The following DGKQ variants were observed in gnomAD, a reference collection of about 807,000 sequenced individuals.
DGKQ encodes diacylglycerol kinase theta, also known as DAG kinase theta.
A neutral mutation model predicts 104.2 loss-of-function variants in DGKQ; 97 were observed. The ratio of observed to expected loss-of-function variants is 0.93; its 90% confidence interval spans 0.79 to 1.10. The LOEUF (loss-of-function observed/expected upper bound fraction) is 1.10, where lower values mean the gene tolerates loss of function less well. DGKQ is among the 50% of genes least tolerant of loss of function. The pLI is 0.00. For missense variants in DGKQ, 1,465 were observed against 1,352.1 expected (o/e 1.08, Z -1.31); for synonymous variants, 736 against 595.2 (o/e 1.24, Z -3.44).
In DGKQ at chr4:967,581, C is replaced by A; in HGVS notation, c.955G>T (p.Val319Leu). The part of the protein sequence containing the change: ...VRRSQFRLVT[V>L]SRLAGAEEVL... ...TCCTCGGCACCGGCCAGGCGGGACA[C>A]CGTGACGAGGCGGAACTGGCTTCTT... Residue 319 changes from valine to leucine, a missense_variant, in exon 8 of 23, where the codon GTG (valine) becomes TTG (leucine). Val to Leu is a conservative substitution (Grantham distance 32). Coordinates refer to ENST00000273814, the MANE Select transcript of DGKQ (RefSeq NM_001347.4). 6.2e-7 allele frequency: 1 copy of A among 1,612,662 alleles called. No homozygotes were observed. Among genetic ancestry groups the A allele is most frequent in the Non-Finnish European group, 8.5e-7 (1 of 1,179,842 alleles).
intron 15 of DGKQ, 122 bp from the exon 16 acceptor site, chr4:963,412 C>T: frequency 1.1e-6 from 1 of 877,954 alleles, no homozygotes; most frequent in South Asian, 1.8e-5. Context: ...GCCCCCTCCC[C>T]AGGAAGGCGT....
At position 959,535 on chromosome 4, in the gene DGKQ, T is replaced by G. The variant is rs1019735315; in HGVS notation, c.*1085A>C. On this transcript the variant is annotated 3_prime_UTR_variant, in exon 23 of 23. Transcript: ENST00000273814. ...CCAGCCTGGCCCAGATGCAGGACCCTCCACCAAGCTGTCTGGGGGCGTGGG... is the reference window on the plus strand; with the variant it reads ...CCAGCCTGGCCCAGATGCAGGACCCGCCACCAAGCTGTCTGGGGGCGTGGG... 3 of 152,322 alleles carry G rather than the reference T, an allele frequency of 2.0e-5. No individual in the cohort carries two copies. The highest frequency in any genetic ancestry group is 6.5e-5 in the Admixed American group (1 of 15,280). 9.4% of individuals were successfully genotyped at this position (152,322 alleles called of 1,614,324 possible). A position where few individuals can be genotyped will look rare whatever the true frequency, so the allele number is the denominator to read the frequency against.
At chr4:962,334 G>C (rs543416446) in intron 18 of DGKQ, 101 bp downstream of exon 18, 1 of 1,223,536 alleles carries the variant, frequency 8.2e-7, no homozygotes, top group African/African-American at 1.5e-5. Context: ...ATGCGGGCGC[G>C]TACACCCGAG....
rs116126352 is a variant in DGKQ at position 968,464 on chromosome 4, G to C, written c.537+15C>G. On this transcript the variant is annotated intron_variant, in intron 4 of 22. Transcript: ENST00000273814. ...CGCCCCACCCCCCAGGGCTCCCTGG[G>C]GCCGGTACACTCACGTGATCCTGGT... 9.9e-4 allele frequency: 1,582 copies of C among 1,600,838 alleles called. 11 individuals are homozygous for C. The African/African-American group carries it at 0.016, about 16-fold the overall frequency.
At position 968,887 on chromosome 4, in the gene DGKQ, G is replaced by A. The variant is rs1712699946; in HGVS notation, c.375C>T (p.Gly125=). The A allele has an allele frequency of 1.2e-6, 2 of 1,600,654 alleles. No homozygotes were observed. The highest frequency in any genetic ancestry group is 1.1e-5 in the South Asian group (1 of 90,142). The stretch of plus-strand genomic sequence containing the variant: ...ACTTGCGCTTGTGGAGCCCCCGGGG[G>A]CCGAAGCAGTGGGCTACAGGAACCT... ...LVRVPVAHCF[G]PRGLHKRKFC... Residue 125 remains glycine, a synonymous_variant, in exon 3 of 23, where the codon GGC becomes GGT. Coordinates refer to ENST00000273814, the MANE Select transcript of DGKQ (RefSeq NM_001347.4).
At chr4:968,674 T>C (rs1712669319) in intron 3 of DGKQ, 110 bp from the exon 4 acceptor site, 4 of 1,350,914 alleles carry the variant, frequency 3.0e-6, no homozygotes, top group Non-Finnish European at 4.0e-6. Flanking sequence ...ATCCTTTAAG[T>C]GTCCTGTGGC....
At chr4:964,955 C>T (rs1172804147) in intron 15 of DGKQ, among the ~76,000 whole-genome samples, 5 of 152,128 alleles carry the variant, frequency 3.3e-5, no homozygotes, top group South Asian at 2.1e-4. Flanking sequence ...TGAGCGCTGA[C>T]CCTCTGACCT....
At chr4:966,934 C>G (rs561839080) in intron 10 of DGKQ, 30 bp downstream of exon 10, 2 of 1,551,096 alleles carry the variant, frequency 1.3e-6, no homozygotes, top group Non-Finnish European at 1.7e-6. Context: ...CGAGTCTGGC[C>G]GGCATGGGGA....
At chr4:967,459 G>A (rs1712485420) in intron 8 of DGKQ, 90 bp downstream of exon 8, 7 of 1,450,762 alleles carry the variant, frequency 4.8e-6, no homozygotes, top group Non-Finnish European at 6.6e-6. Flanking sequence ...GGTGAGGGGC[G>A]CCAGGTTGGG....
rs762649559 is a variant in DGKQ, at chr4:962,518, G to A, written c.2131C>T (p.Leu711Phe). The change falls in exon 18 of 23, where the codon CTC (leucine) becomes TTC (phenylalanine). Residue 711 changes from leucine to phenylalanine, a missense_variant. Coordinates refer to ENST00000273814, the MANE Select transcript of DGKQ (RefSeq NM_001347.4). Reference protein sequence around the residue: ...LLSVDEADAVLMDRWTILLDA... With the variant: ...LLSVDEADAVFMDRWTILLDA... The stretch of plus-strand genomic sequence containing the variant: ...AGCAGGATGGTCCAGCGGTCCATGA[G>A]CACGGCGTCGGCCTCGTCCACAGAC... 1.9e-6 allele frequency: 3 copies of A among 1,609,976 alleles called. No individual in the cohort carries two copies. Among genetic ancestry groups the A allele is most frequent in the Admixed American group, 3.3e-5 (2 of 60,010 alleles).
chr4:973,205 C>G lies in DGKQ; in HGVS notation c.271+7G>C, dbSNP rs1380798980. The G allele has an allele frequency of 1.9e-6, 3 of 1,545,316 alleles. No individual in the cohort carries two copies. The highest frequency in any genetic ancestry group is 1.9e-5 in the Admixed American group (1 of 52,940). Reference sequence around the variant, plus strand: ...CAGCCGGGTAGGCATCGGGCCCGGGCGCTCACCGTCGCACAGGAAGCCGGC... The same window carrying G: ...CAGCCGGGTAGGCATCGGGCCCGGGGGCTCACCGTCGCACAGGAAGCCGGC... On this transcript the variant is annotated splice_region_variant and intron_variant, in intron 1 of 22. Coordinates refer to ENST00000273814, the MANE Select transcript of DGKQ (RefSeq NM_001347.4).
Position 965,296 on chromosome 4 carries a change from G to A in DGKQ, c.1619-5C>T, listed in dbSNP as rs780017634. On this transcript the variant is annotated splice_polypyrimidine_tract_variant and splice_region_variant and intron_variant, in intron 14 of 22. Transcript: ENST00000273814. ...CAACGTCCAACACTACCGCGCCTGC[G>A]GCAGGAGCCCAGGACTCAGGGGGAG... 65 of 1,611,746 alleles carry A rather than the reference G, an allele frequency of 4.0e-5. No individual in the cohort carries two copies. The highest frequency in any genetic ancestry group is 1.3e-4 in the East Asian group (6 of 44,874).
chr4:965,922 T>C lies in DGKQ; in HGVS notation c.1579+6A>G, dbSNP rs1337983475. 6.3e-7 allele frequency: 1 copy of C among 1,593,564 alleles called. No individual in the cohort carries two copies. Among genetic ancestry groups the C allele is most frequent in the Non-Finnish European group, 8.6e-7 (1 of 1,168,522 alleles). ...AGCAGCCCACGGCCAGCCACAGTGG[T>C]CACACCTTTGGTAGCCCCGGCCTCA... is the stretch of plus-strand genomic sequence containing the variant. On this transcript the variant is annotated splice_donor_region_variant and intron_variant, in intron 13 of 22. Transcript: ENST00000273814.
chr4:967,070 C>T lies in DGKQ; in HGVS notation c.1221-16G>A, dbSNP rs1560516262. On this transcript the variant is annotated splice_polypyrimidine_tract_variant and intron_variant, in intron 9 of 22. Transcript: ENST00000273814. ...CACGCCCACCCTGTGGGGACACAGT[C>T]TGAGCTGGAGCTCCCCCCACCCCGC... 1.9e-6 allele frequency: 3 copies of T among 1,547,806 alleles called. No individual in the cohort carries two copies. Among genetic ancestry groups the T allele is most frequent in the South Asian group, 2.4e-5 (2 of 83,068 alleles).
intron 15 of DGKQ, among the ~76,000 whole-genome samples, chr4:964,395 T>C (rs550565054): frequency 2.6e-5 from 4 of 152,282 alleles, no homozygotes; most frequent in Admixed American, 6.5e-5. Context: ...ATGGGACCCT[T>C]TGGGGGCTAG....
At chr4:963,454 A>G (rs1712045909) in intron 15 of DGKQ, among the ~76,000 whole-genome samples, 164 bp from the exon 16 acceptor site, 1 of 152,202 alleles carries the variant, frequency 6.6e-6, no homozygotes, top group Admixed American at 6.5e-5. Context: ...GGCCTCACAC[A>G]TGAGCTGCGT....
rs1438363710 is a variant in DGKQ, at chr4:971,054, T to A, written c.290A>T (p.His97Leu). 6.4e-7 allele frequency: 1 copy of A among 1,557,330 alleles called. No individual in the cohort carries two copies. The highest frequency in any genetic ancestry group is 2.4e-5 in the East Asian group (1 of 42,162). ...FLCDVCNFMSHEKCLKHVRIP... is the reference protein window; with the variant it reads ...FLCDVCNFMSLEKCLKHVRIP... ...CCTCACGTGCTTCAGGCACTTCTCA[T>A]GAGACATGAAATTGCAGACTGTGGG... The change falls in exon 2 of 23, where the codon CAT becomes CTT. Residue 97 changes from histidine (H) to leucine (L), a missense_variant. By Grantham distance (99) the His-to-Leu change is moderately conservative. Coordinates refer to ENST00000273814, the MANE Select transcript of DGKQ (RefSeq NM_001347.4). The surrounding 1 kb of genome is among the most constrained non-coding windows in gnomAD (Gnocchi z 4.0).
At chr4:972,270 C>A (rs1560522515) in intron 1 of DGKQ, among the ~76,000 whole-genome samples, 1 of 152,150 alleles carries the variant, frequency 6.6e-6, no homozygotes, top group Non-Finnish European at 1.5e-5. Context: ...CCCCTGGCAT[C>A]CCCAGGCAGC....
At position 973,451 on chromosome 4, in the gene DGKQ, G is replaced by A. The variant is rs1054491194; in HGVS notation, c.32C>T (p.Ala11Val). Reference protein sequence around the residue: MAAAAEPGARAWLGGGSPRPG... With the variant: MAAAAEPGARVWLGGGSPRPG... Reference sequence around the variant, plus strand: ...GCGCGGGGAGCCGCCGCCCAGCCAGGCGCGGGCCCCGGGCTCGGCCGCCGC... The same window carrying A: ...GCGCGGGGAGCCGCCGCCCAGCCAGACGCGGGCCCCGGGCTCGGCCGCCGC... The change falls in exon 1 of 23, where the codon GCC becomes GTC. Residue 11 changes from alanine to valine, a missense_variant. Transcript: ENST00000273814. 32 of 986,692 alleles carry A rather than the reference G, an allele frequency of 3.2e-5. No homozygotes were observed. Among genetic ancestry groups the A allele is most frequent in the Non-Finnish European group, 3.6e-5 (30 of 832,136 alleles). The allele number at this position is 986,692 out of a possible 1,614,324, so 61.1% of individuals were successfully genotyped here. A position where few individuals can be genotyped will look rare whatever the true frequency, so the allele number is the denominator to read the frequency against.
Sources: gnomAD v4.1 joint callset for allele counts (sites outside exome capture counted in the v4.1 genomes callset) on GRCh38, gnomAD v4.1.1 for gene constraint, Gnocchi (gnomAD v3.1) non-coding constraint, MANE v1.5 for transcripts, NCBI Gene and HGNC (gene_info 2026-07-23, HGNC 2026-07-21) for gene names.